Variants in RNF34 observed in about 807,000 individuals in gnomAD.
The protein encoded by RNF34 is E3 ubiquitin-protein ligase RNF34.
A neutral mutation model predicts 37.9 loss-of-function variants in RNF34; 12 were observed. The ratio of observed to expected loss-of-function variants is 0.32; its 90% CI spans 0.20 to 0.51. The LOEUF is 0.51. RNF34 is among the 20% of genes least tolerant of loss of function. The probability of loss-of-function intolerance (pLI) is 0.97; values close to 1 mark genes in which losing one functional copy is unlikely to be tolerated. For missense variants in RNF34, 362 were observed against 472.7 expected, an observed-to-expected ratio of 0.77 and a Z score of 2.17; for synonymous variants, 155 against 177.2, an observed-to-expected ratio of 0.87 and a Z score of 1.00.
intron 1 of RNF34, among the ~76,000 whole-genome samples, chr12:121,401,791 T>C (rs1555280043): frequency 6.6e-6 from 1 of 152,230 alleles, no homozygotes; most frequent in Non-Finnish European, 1.5e-5. Flanking sequence ...AAGGTACTAC[T>C]TTCTAAGATG....
chr12:121,420,772 A>C lies in RNF34; in HGVS notation c.922A>C (p.Lys308Gln). Reference protein sequence around the residue: ...RLYKENEENQKSYGERLQLQD... With the variant: ...RLYKENEENQQSYGERLQLQD... The stretch of plus-strand genomic sequence containing the variant: ...ATACAAAGAGAATGAAGAAAACCAA[A>C]AGTCCTGTAGGTTTATCTTTTCATT... Residue 308 changes from lysine to glutamine, a missense_variant, in exon 5 of 6, where the codon AAG becomes CAG. Physicochemically the swap from Lys to Gln is moderately conservative, Grantham distance 53. Coordinates refer to ENST00000361234, the MANE Select transcript of RNF34 (RefSeq NM_025126.4). The C allele has an allele frequency of 6.2e-7, 1 of 1,607,694 alleles. No individual in the cohort carries two copies. Among genetic ancestry groups the C allele is most frequent in the Non-Finnish European group, 8.5e-7 (1 of 1,174,180 alleles).
chr12:121,410,499 T>G (rs1249265236), intron 1 of RNF34, among the ~76,000 whole-genome samples: 3 of 150,122 alleles, frequency 2.0e-5, no homozygotes, highest in Non-Finnish European at 2.9e-5. Flanking sequence ...ATTGCGCCAC[T>G]GCATTCCATC....
chr12:121,421,371 T>TTA (rs1555283358), intron 5 of RNF34, among the ~76,000 whole-genome samples: 9 of 46,378 alleles, frequency 1.9e-4, no homozygotes, highest in Non-Finnish European at 3.5e-4. Flanking sequence ...ATCCCATCTC[T>TTA]AAAAAAAAAA....
At chr12:121,420,914 A>G (rs1341628534) in intron 5 of RNF34, 136 bp downstream of exon 5, 6 of 660,944 alleles carry the variant, frequency 9.1e-6, no homozygotes, top group Non-Finnish European at 1.6e-5. Context: ...AGTTAGTTAC[A>G]TGAGCCTGTT....
intron 3 of RNF34, among the ~76,000 whole-genome samples, chr12:121,419,158 T>C (rs1299878468): frequency 1.3e-5 from 2 of 152,254 alleles, no homozygotes; most frequent in Non-Finnish European, 2.9e-5. Flanking sequence ...CATATTTTTA[T>C]TGTACCTTTT....
rs1212734084 is a variant in RNF34 at position 121,420,689 on chromosome 12, T to C, written c.839T>C (p.Phe280Ser). 6.2e-6 allele frequency: 10 copies of C among 1,614,050 alleles called. No individual in the cohort carries two copies. Among genetic ancestry groups the C allele is most frequent in the Non-Finnish European group, 8.5e-6 (10 of 1,180,026 alleles). The change falls in exon 5 of 6, where the codon TTT becomes TCT. Residue 280 changes from phenylalanine to serine, a missense_variant. By Grantham distance (155) the Phe-to-Ser change is radical. Transcript: ENST00000361234. Reference sequence around the variant, plus strand: ...CTGAAGGAAATTCTGGCTCGGAATTTTGTCAACTATTCTGGCTGTTGTGAA... The same window carrying C: ...CTGAAGGAAATTCTGGCTCGGAATTCTGTCAACTATTCTGGCTGTTGTGAA... ...RQLKEILARN[F>S]VNYSGCCEKW...
chr12:121,421,386 A>AAAAAAC (rs1872135551), intron 5 of RNF34, among the ~76,000 whole-genome samples: 2 of 136,566 alleles, frequency 1.5e-5, no homozygotes, highest in African/African-American at 5.0e-5. Context: ...AAAAAAAAAA[A>AAAAAAC]AAAAAAAAAA....
chr12:121,411,592 T>C lies in RNF34; in HGVS notation c.7-4567T>C, dbSNP rs373607538. ...TTAAAAAGGGGTGTCATTTGAGATT[T>C]TTGGTTTTCTTTACCAAGAAAACAT... On this transcript the variant is annotated intron_variant, in intron 1 of 5. Coordinates refer to ENST00000361234, the MANE Select transcript of RNF34 (RefSeq NM_025126.4). 6.4e-4 allele frequency among the ~76,000 whole-genome samples: 97 copies of C among 152,348 alleles called. No individual in the cohort carries two copies. The South Asian group carries it at 0.014, about 22-fold the overall frequency.
intron 4 of RNF34, 37 bp from the exon 5 acceptor site, chr12:121,420,540 T>TA: frequency 6.2e-7 from 1 of 1,606,788 alleles, no homozygotes; most frequent in Non-Finnish European, 8.5e-7. Context: ...GGTCTGGACT[T>TA]ATGGGACCAG....
In RNF34 at chr12:121,420,847, GT is replaced by G; in HGVS notation, c.928+70del. The G allele has an allele frequency of 5.0e-6, 6 of 1,191,292 alleles. No individual in the cohort carries two copies. The South Asian group carries it at 7.7e-5, about 15-fold the overall frequency. 73.8% of individuals were successfully genotyped at this position (1,191,292 alleles called of 1,614,324 possible). A position where few individuals can be genotyped will look rare whatever the true frequency, so the allele number is the denominator to read the frequency against. ...GGCTTTTAAAAACTGGGTTGTTTTT[GT>G]CACAATTAAGTCAAATTTATTTTTG... On this transcript the variant is annotated intron_variant, in intron 5 of 5. Coordinates refer to ENST00000361234, the MANE Select transcript of RNF34 (RefSeq NM_025126.4).
rs11398833 is a variant in RNF34 at position 121,421,371 on chromosome 12, T to TAAAAAA, written c.928+615_928+620dup. Among the ~76,000 whole-genome samples, 191 of 46,350 alleles carry TAAAAAA rather than the reference T, an allele frequency of 4.1e-3. 6 individuals are homozygous for TAAAAAA. Among genetic ancestry groups the TAAAAAA allele is most frequent in the Non-Finnish European group, 6.7e-3 (152 of 22,800 alleles). The allele number at this position is 46,350 out of a possible 152,430, so 30.4% of individuals were successfully genotyped here. ...GGGCAACATAGAGAGATCCCATCTCTAAAAAAAAAAAAAAAAAAAAAAAAA... is the reference window on the plus strand; with the variant it reads ...GGGCAACATAGAGAGATCCCATCTCTAAAAAAAAAAAAAAAAAAAAAAAAAAAAAAA... On this transcript the variant is annotated intron_variant, in intron 5 of 5. Coordinates refer to ENST00000361234, the MANE Select transcript of RNF34 (RefSeq NM_025126.4).
chr12:121,421,400 C>CAAAAAAAAAA, intron 5 of RNF34, among the ~76,000 whole-genome samples: 1 of 92,656 alleles, frequency 1.1e-5, no homozygotes, highest in Non-Finnish European at 2.5e-5. Flanking sequence ...AAAAAAAAAC[C>CAAAAAAAAAA]AAAAAAACCT....
chr12:121,419,640 CAAAA>C (rs1291472017), intron 3 of RNF34, among the ~76,000 whole-genome samples: 3 of 152,024 alleles, frequency 2.0e-5, no homozygotes, highest in Non-Finnish European at 2.9e-5. Flanking sequence ...CAAATATAGT[CAAAA>C]GAAAATATGT....
intron 1 of RNF34, among the ~76,000 whole-genome samples, chr12:121,404,575 G>A (rs947914480): frequency 1.3e-5 from 2 of 151,572 alleles, no homozygotes; most frequent in Non-Finnish European, 2.9e-5. Context: ...ATTTTTAGTA[G>A]AGACCGGGTT....
intron 3 of RNF34, chr12:121,418,185 CACTA>C: frequency 2.5e-6 from 1 of 404,172 alleles, no homozygotes. Context: ...CACAGTTAGA[CACTA>C]ACTGTTGAAG....
intron 1 of RNF34, among the ~76,000 whole-genome samples, chr12:121,414,102 G>T (rs117160881): frequency 0.026 from 4,017 of 152,216 alleles, 69 homozygotes; most frequent in Non-Finnish European, 0.042. Context: ...AAGGTTGAGG[G>T]CTTTTTATTT....
At chr12:121,419,393 C>T (rs1871888730) in intron 3 of RNF34, among the ~76,000 whole-genome samples, 1 of 152,220 alleles carries the variant, frequency 6.6e-6, no homozygotes, top group Non-Finnish European at 1.5e-5. Context: ...AGTCGTCAAG[C>T]AACACATACT....
intron 5 of RNF34, among the ~76,000 whole-genome samples, chr12:121,421,541 C>G (rs1872166356): frequency 6.6e-6 from 1 of 151,576 alleles, no homozygotes; most frequent in African/African-American, 2.4e-5. Context: ...TGTCTCAAAA[C>G]AAAACAAAAC....
Position 121,417,811 on chromosome 12 carries a change from C to T in RNF34, c.533C>T (p.Ser178Leu), listed in dbSNP as rs782106482. ...RSQTSSFFTR[S>L]FFSNYTAPSA... ...CAGACTTCTAGCTTTTTTACACGTT[C>T]GTTTTTTTCAAACTATACAGCCCCC... is the stretch of plus-strand genomic sequence containing the variant. Residue 178 changes from serine (S) to leucine (L), a missense_variant, in exon 3 of 6, where the codon TCG (serine) becomes TTG (leucine). Coordinates refer to ENST00000361234, the MANE Select transcript of RNF34 (RefSeq NM_025126.4). The surrounding 1 kb of genome is among the most constrained non-coding windows in gnomAD (Gnocchi z 5.0). 2.2e-5 allele frequency: 36 copies of T among 1,614,004 alleles called. No individual in the cohort carries two copies. Among genetic ancestry groups the T allele is most frequent in the Admixed American group, 3.3e-5 (2 of 59,986 alleles).
Sources: gnomAD v4.1 joint callset for allele counts (sites outside exome capture counted in the v4.1 genomes callset) on GRCh38, gnomAD v4.1.1 for gene constraint, Gnocchi (gnomAD v3.1) non-coding constraint, MANE v1.5 for transcripts, NCBI Gene and HGNC (gene_info 2026-07-23, HGNC 2026-07-21) for gene names.